Variants in CFAP47 observed in about 807,000 individuals in gnomAD.
The protein encoded by CFAP47 is cilia and flagella associated protein 47, also known as cilia- and flagella-associated protein 47.
In CFAP47, 29 loss-of-function variants were observed where a neutral mutation model predicts 148.1. The ratio of observed to expected loss-of-function variants is 0.20; its 90% CI spans 0.15 to 0.27. The LOEUF is 0.27. Ranked by LOEUF, CFAP47 falls within the 10% of genes least tolerant of loss-of-function variation. The pLI, the probability that CFAP47 is intolerant of heterozygous loss-of-function variation, is 1.00. For missense variants in CFAP47, 1,872 were observed against 1,697.5 expected, an observed-to-expected ratio of 1.10 and a Z score of -1.81; for synonymous variants, 664 against 577.3, an observed-to-expected ratio of 1.15 and a Z score of -2.15.
Position 35,975,750 on chromosome X carries a change from G to A in CFAP47, c.2550G>A (p.Glu850=). 1.7e-6 allele frequency: 2 copies of A among 1,209,909 alleles called. No homozygotes were observed. Among genetic ancestry groups the A allele is most frequent in the Non-Finnish European group, 2.2e-6 (2 of 893,930 alleles). Residue 850 remains glutamate (E), a synonymous_variant, in exon 15 of 64, where the codon GAG becomes GAA. Coordinates refer to ENST00000378653, the MANE Select transcript of CFAP47 (RefSeq NM_001304548.2). The stretch of plus-strand genomic sequence containing the variant: ...CAGTTGTCCAGCCAGTAACACTTGA[G>A]CTATCTTCTAATGAGCTAGTATTGA... The part of the protein sequence containing the change: ...VVAVVQPVTL[E]LSSNELVLRP...
intron 60 of CFAP47, among the ~76,000 whole-genome samples, chrX:36,359,976 A>G (rs1941815577): frequency 9.1e-6 from 1 of 110,483 alleles, no homozygotes; most frequent in African/African-American, 3.3e-5. Context: ...GATGGTCTCG[A>G]TCTCCTGACC....
rs782341938 is a variant in CFAP47 at position 36,205,002 on chromosome X, G to A, written c.6709G>A (p.Val2237Ile). 1.2e-4 allele frequency: 36 copies of A among 295,440 alleles called. 1 individual carries two copies. In the South Asian group the frequency reaches 4.1e-3, roughly 34 times the overall value. The allele number at this position is 295,440 out of a possible 1,213,427, so 24.3% of individuals were successfully genotyped here. A position where few individuals can be genotyped will look rare whatever the true frequency, so the allele number is the denominator to read the frequency against. ...RISKLRKPKT[V>I]SYTTEVSLPK... is the part of the protein sequence containing the mutation. ...CTCAAAGTTGAGGAAGCCTAAGACC[G>A]TTTCATACACAACAGAAGTGAGCCT... is the stretch of plus-strand genomic sequence containing the variant. Residue 2237 changes from valine to isoleucine, a missense_variant, in exon 45 of 64, where the codon GTT becomes ATT. Val to Ile is a conservative substitution (Grantham distance 29, BLOSUM62 3). Transcript: ENST00000378653.
chrX:35,969,960 C>T (rs1171768301), intron 10 of CFAP47, among the ~76,000 whole-genome samples: 1 of 110,141 alleles, frequency 9.1e-6, no homozygotes, highest in Non-Finnish European at 1.9e-5. Flanking sequence ...ATGTGCACAA[C>T]GTGCAGGTTT....
At chrX:36,371,662 A>G (rs1941942709) in intron 62 of CFAP47, among the ~76,000 whole-genome samples, 1 of 81,892 alleles carries the variant, frequency 1.2e-5, no homozygotes, top group Admixed American at 1.3e-4. Flanking sequence ...ATATGTGTGT[A>G]TATACACACA....
At chrX:35,924,867 A>G (rs1473859782) in intron 1 of CFAP47, among the ~76,000 whole-genome samples, 1 of 111,490 alleles carries the variant, frequency 9.0e-6, no homozygotes, top group Non-Finnish European at 1.9e-5. Context: ...GCCTTTAGGT[A>G]CATAAGACAA....
intron 7 of CFAP47, among the ~76,000 whole-genome samples, chrX:35,955,535 A>C (rs1324904247): frequency 9.0e-6 from 1 of 110,993 alleles, no homozygotes; most frequent in African/African-American, 3.3e-5. Context: ...AGATTTTCAC[A>C]TTTTTTTCCA....
intron 33 of CFAP47, among the ~76,000 whole-genome samples, chrX:36,105,827 G>A (rs1465238795): frequency 8.9e-6 from 1 of 112,460 alleles, no homozygotes; most frequent in Non-Finnish European, 1.9e-5. Flanking sequence ...AAATTAACGT[G>A]TTAATTTGTT....
chrX:36,030,101 C>A, intron 22 of CFAP47, among the ~76,000 whole-genome samples: 1 of 110,087 alleles, frequency 9.1e-6, no homozygotes, highest in East Asian at 2.8e-4. Flanking sequence ...TTTATTAATA[C>A]CTCTCAAAAG....
intron 60 of CFAP47, among the ~76,000 whole-genome samples, chrX:36,356,217 T>C (rs1037152382): frequency 2.7e-5 from 3 of 111,462 alleles, no homozygotes; most frequent in African/African-American, 9.8e-5. Flanking sequence ...TGAAAATAAC[T>C]GTCGGGAAGG....
rs370925704 is a variant in CFAP47, at chrX:35,994,857, T to C, written c.3099+1536T>C. ...ATTCACATTATGCACTAATCTCTTGTAAATGTTAAGGATGCAATGATGAAC... is the reference window on the plus strand; with the variant it reads ...ATTCACATTATGCACTAATCTCTTGCAAATGTTAAGGATGCAATGATGAAC... On this transcript the variant is annotated intron_variant, in intron 18 of 63. Coordinates refer to ENST00000378653, the MANE Select transcript of CFAP47 (RefSeq NM_001304548.2). 2.7e-5 allele frequency among the ~76,000 whole-genome samples: 3 copies of C among 111,582 alleles called. No homozygotes were observed. In the East Asian group the frequency reaches 8.4e-4, roughly 31 times the overall value.
At chrX:36,377,362 G>T (rs992390611) in intron 62 of CFAP47, among the ~76,000 whole-genome samples, 1 of 111,939 alleles carries the variant, frequency 8.9e-6, no homozygotes, top group Non-Finnish European at 1.9e-5. Flanking sequence ...ATTTGCATTT[G>T]TCTGATGGCC....
At chrX:35,939,346 A>G in intron 2 of CFAP47, among the ~76,000 whole-genome samples, 1 of 106,717 alleles carries the variant, frequency 9.4e-6, no homozygotes, top group Non-Finnish European at 1.9e-5. Context: ...CACAATGTGC[A>G]GGTTAGTTAC....
intron 25 of CFAP47, among the ~76,000 whole-genome samples, chrX:36,045,433 T>C (rs769569736): frequency 9.0e-6 from 1 of 111,430 alleles, no homozygotes; most frequent in Non-Finnish European, 1.9e-5. Flanking sequence ...GTGCTGAATC[T>C]CACCTGAAGC....
chrX:35,970,070 A>G (rs866502408), intron 10 of CFAP47, among the ~76,000 whole-genome samples: 1 of 32,638 alleles, frequency 3.1e-5, no homozygotes, highest in Non-Finnish European at 5.6e-5. Context: ...CCCTCCCCCC[A>G]TACTTACGTT....
At chrX:36,171,397 C>T (rs1339627066) in intron 39 of CFAP47, among the ~76,000 whole-genome samples, 1 of 110,351 alleles carries the variant, frequency 9.1e-6, no homozygotes, top group Non-Finnish European at 1.9e-5. Context: ...AATGGTAATG[C>T]CTAGGTTTTC....
At chrX:36,166,766 A>G (rs751027660) in intron 39 of CFAP47, among the ~76,000 whole-genome samples, 11 of 110,968 alleles carry the variant, frequency 9.9e-5, no homozygotes, top group Non-Finnish European at 1.9e-4. Context: ...TGCACTTCTA[A>G]TTTTTTTACT....
At chrX:36,350,389 C>T (rs1192755833) in intron 59 of CFAP47, among the ~76,000 whole-genome samples, 1 of 111,282 alleles carries the variant, frequency 9.0e-6, no homozygotes, top group Admixed American at 9.6e-5. Flanking sequence ...CTTCAGACTC[C>T]TTTATTCCAC....
rs749163495 is a variant in CFAP47 at position 36,096,584 on chromosome X, C to A, written c.4917-2209C>A. 7.2e-5 allele frequency among the ~76,000 whole-genome samples: 8 copies of A among 111,082 alleles called. No individual in the cohort carries two copies. The South Asian group carries it at 2.6e-3, about 36-fold the overall frequency. On this transcript the variant is annotated intron_variant, in intron 30 of 63. Transcript: ENST00000378653. ...CCTCTTGCTTAATTGACCCTTTTATCATTATATAATGACCTTCTTTGTTTC... is the reference window on the plus strand; with the variant it reads ...CCTCTTGCTTAATTGACCCTTTTATAATTATATAATGACCTTCTTTGTTTC...
chrX:36,239,265 C>A (rs1228012693), intron 48 of CFAP47, among the ~76,000 whole-genome samples: 2 of 112,039 alleles, frequency 1.8e-5, no homozygotes, highest in Non-Finnish European at 3.8e-5. Context: ...AAAACACTGG[C>A]AAAAATTGTC....
Sources: allele counts gnomAD v4.1 joint callset (sites outside exome capture counted in the v4.1 genomes callset), GRCh38; gene constraint gnomAD v4.1.1; transcripts MANE v1.5; gene names NCBI Gene and HGNC (gene_info 2026-07-23, HGNC 2026-07-21).